Variants in SPTBN1 observed in about 807,000 individuals in gnomAD.
SPTBN1 encodes spectrin beta chain, non-erythrocytic 1.
SPTBN1 carries 32 observed loss-of-function variants against 266.4 expected under a neutral mutation model. That is an observed-to-expected ratio of 0.12 (90% CI 0.09 to 0.16). The LOEUF is 0.16. Ranked by LOEUF, SPTBN1 falls within the 10% of genes least tolerant of loss-of-function variation. The pLI, the probability that SPTBN1 is intolerant of heterozygous loss-of-function variation, is 1.00. For missense variants in SPTBN1, 2,296 were observed against 3,067.1 expected (o/e 0.75, Z 5.94); for synonymous variants, 1,336 against 1,162.2 (o/e 1.15, Z -3.04).
intron 1 of SPTBN1, among the ~76,000 whole-genome samples, chr2:54,485,720 G>A (rs557118837): frequency 7.1e-4 from 108 of 151,606 alleles, no homozygotes; most frequent in Middle Eastern, 3.4e-3. Flanking sequence ...GTCTCTGCCC[G>A]GCCGCCATCC....
Position 54,618,102 on chromosome 2 carries a change from A to G in SPTBN1, c.672A>G (p.Lys224=). The G allele has an allele frequency of 1.9e-6, 3 of 1,614,176 alleles. No individual in the cohort carries two copies. The highest frequency in any genetic ancestry group is 1.7e-6 in the Non-Finnish European group (2 of 1,180,016). ...KHRPDLIDFD[K]LKKSNAHYNL... ...GGCCTGACCTGATAGATTTTGACAA[A>G]CTAAAGAAATCTAACGCACACTACA... Residue 224 remains lysine, a synonymous_variant, in exon 7 of 36, where the codon AAA becomes AAG. Coordinates refer to ENST00000356805, the MANE Select transcript of SPTBN1 (RefSeq NM_003128.3).
chr2:54,613,885 G>C (rs893111396), intron 4 of SPTBN1, among the ~76,000 whole-genome samples: 2 of 152,186 alleles, frequency 1.3e-5, no homozygotes, highest in Non-Finnish European at 2.9e-5. Flanking sequence ...TTGTATTTCT[G>C]TTAGCTTTGG....
At chr2:54,634,683 A>G (rs1678990816) in intron 17 of SPTBN1, among the ~76,000 whole-genome samples, 1 of 152,204 alleles carries the variant, frequency 6.6e-6, no homozygotes, top group East Asian at 1.9e-4. Context: ...CTAAACCTTC[A>G]GATATAATCC....
rs758722053 is a variant in SPTBN1 at position 54,666,099 on chromosome 2, C to T, written c.6833+11C>T. ...CGTATTCAAGCTAAGGTGAGAGTCG[C>T]CGTGCTTCATGGCTGCCAGAGTGGG... On this transcript the variant is annotated intron_variant, in intron 34 of 35. Coordinates refer to ENST00000356805, the MANE Select transcript of SPTBN1 (RefSeq NM_003128.3). 3.7e-6 allele frequency: 6 copies of T among 1,604,602 alleles called. No homozygotes were observed. In the South Asian group the frequency reaches 6.7e-5, roughly 18 times the overall value.
At chr2:54,661,812 A>T (rs1276028827) in intron 32 of SPTBN1, 2 of 985,184 alleles carry the variant, frequency 2.0e-6, no homozygotes, top group Non-Finnish European at 2.4e-6. Context: ...TATCTAGAAG[A>T]CCCTCCAAAA....
At chr2:54,470,957 G>A (rs1424005149) in intron 1 of SPTBN1, among the ~76,000 whole-genome samples, 2 of 152,154 alleles carry the variant, frequency 1.3e-5, no homozygotes, top group Non-Finnish European at 2.9e-5. Context: ...TATTTTTTGT[G>A]ATATTTATAG....
At position 54,644,340 on chromosome 2, in the gene SPTBN1, T is replaced by G; in HGVS notation, c.4023T>G (p.Ile1341Met). The G allele has an allele frequency of 6.2e-7, 1 of 1,609,920 alleles. No homozygotes were observed. The highest frequency in any genetic ancestry group is 1.1e-5 in the South Asian group (1 of 91,008). ...DKIEKEGMQL[I>M]SEKPETEAVV... ...TTTTCCAGGAAGGAATGCAGCTCATTTCAGAAAAGCCTGAGACGGAAGCTG... is the reference window on the plus strand; with the variant it reads ...TTTTCCAGGAAGGAATGCAGCTCATGTCAGAAAAGCCTGAGACGGAAGCTG... Residue 1341 changes from isoleucine (I) to methionine (M), a missense_variant, in exon 20 of 36, where the codon ATT (isoleucine) becomes ATG (methionine). Around this residue, in one of 12 missense-constraint regions of SPTBN1, gnomAD observed 386 missense variants for 486.1 expected, o/e 0.79. Transcript: ENST00000356805.
At chr2:54,659,644 AATT>A (rs1680904665) in intron 31 of SPTBN1, among the ~76,000 whole-genome samples, 1 of 152,124 alleles carries the variant, frequency 6.6e-6, no homozygotes, top group Non-Finnish European at 1.5e-5. Context: ...AGAGGGCAGC[AATT>A]ATTCTCTACT....
intron 2 of SPTBN1, chr2:54,557,642 A>G: frequency 1.2e-6 from 1 of 854,486 alleles, no homozygotes; most frequent in Non-Finnish European, 1.4e-6. Context: ...AAACAACTCC[A>G]GGTCAGGGAT....
intron 9 of SPTBN1, among the ~76,000 whole-genome samples, chr2:54,623,278 A>G (rs752860788): frequency 1.3e-5 from 2 of 152,346 alleles, no homozygotes; most frequent in Non-Finnish European, 2.9e-5. Context: ...TGACACCCTC[A>G]AATATAAATG....
At chr2:54,587,628 A>T (rs1675378878) in intron 2 of SPTBN1, among the ~76,000 whole-genome samples, 1 of 152,198 alleles carries the variant, frequency 6.6e-6, no homozygotes, top group African/African-American at 2.4e-5. Context: ...AGTGTCCATC[A>T]AAATAAGAGC....
rs145242574 is a variant in SPTBN1 at position 54,666,852 on chromosome 2, G to T, written c.6834-752G>T. ...GGCTCCAGAGGAGAGAGTGTCAGAT[G>T]GTTTGATTTATTAAGCTCTGCTGCT... On this transcript the variant is annotated intron_variant, in intron 34 of 35. Coordinates refer to ENST00000356805, the MANE Select transcript of SPTBN1 (RefSeq NM_003128.3). Among the ~76,000 whole-genome samples, 676 of 152,310 alleles carry T rather than the reference G, an allele frequency of 4.4e-3. 1 individual carries two copies. Among genetic ancestry groups the T allele is most frequent in the Non-Finnish European group, 7.5e-3 (513 of 68,024 alleles).
At position 54,629,612 on chromosome 2, in the gene SPTBN1, C is replaced by T. The variant is rs1468618750; in HGVS notation, c.2478C>T (p.Gly826=). ...CAGACGTGAGGGGCAGGCTGTCGGG[C>T]ATCGAGGAGCGGTATAAGGAGGTGG... ...ESPDVRGRLS[G]IEERYKEVAE... The change falls in exon 14 of 36, where the codon GGC becomes GGT. Residue 826 remains glycine (G), a synonymous_variant. Coordinates refer to ENST00000356805, the MANE Select transcript of SPTBN1 (RefSeq NM_003128.3). The T allele has an allele frequency of 6.2e-7, 1 of 1,613,834 alleles. No individual in the cohort carries two copies. Among genetic ancestry groups the T allele is most frequent in the Non-Finnish European group, 8.5e-7 (1 of 1,180,004 alleles).
chr2:54,660,025 A>T, intron 32 of SPTBN1, 26 bp downstream of exon 32: 1 of 1,614,242 alleles, frequency 6.2e-7, no homozygotes, highest in African/African-American at 1.3e-5. Flanking sequence ...CAAACCTACC[A>T]AAACTACAAA....
chr2:54,565,036 T>TCA (rs1673573106), intron 2 of SPTBN1, among the ~76,000 whole-genome samples: 1 of 152,206 alleles, frequency 6.6e-6, no homozygotes, highest in Admixed American at 6.5e-5. Flanking sequence ...CAGGTCAGCA[T>TCA]CAGCATCATC....
chr2:54,499,135 T>C (rs1372109509), intron 1 of SPTBN1, among the ~76,000 whole-genome samples: 1 of 66,320 alleles, frequency 1.5e-5, no homozygotes, highest in Middle Eastern at 5.7e-3. Context: ...TGCCCACTTC[T>C]GGAAGGGATC....
At chr2:54,614,218 A>G (rs552715929) in intron 4 of SPTBN1, among the ~76,000 whole-genome samples, 2 of 152,326 alleles carry the variant, frequency 1.3e-5, no homozygotes, top group South Asian at 4.1e-4. Context: ...CTACAAAAAT[A>G]ATATGATTAT....
chr2:54,507,122 A>C (rs1669614389), intron 1 of SPTBN1, among the ~76,000 whole-genome samples: 1 of 152,138 alleles, frequency 6.6e-6, no homozygotes, highest in Admixed American at 6.5e-5. Context: ...GGTGGAGATT[A>C]CAAAGTACAT....
chr2:54,650,437 G>A (rs1680193836), intron 26 of SPTBN1, among the ~76,000 whole-genome samples: 1 of 152,150 alleles, frequency 6.6e-6, no homozygotes, highest in Admixed American at 6.5e-5. Context: ...CTAAGACTTT[G>A]TTTAAAAGAT....
Sources: gnomAD v4.1 joint callset for allele counts (sites outside exome capture counted in the v4.1 genomes callset) on GRCh38, gnomAD v4.1.1 for gene constraint, gnomAD v4.1.1 regional missense constraint, MANE v1.5 for transcripts, NCBI Gene and HGNC (gene_info 2026-07-23, HGNC 2026-07-21) for gene names.